The following FYB1 variants were observed in gnomAD, a reference collection of about 807,000 sequenced individuals.
The protein encoded by FYB1 is FYN-binding protein 1.
Under a neutral mutation model 94.1 loss-of-function variants are expected in FYB1, and 41 were observed. The ratio of observed to expected loss-of-function variants is 0.44; its 90% confidence interval spans 0.34 to 0.57. FYB1 has a LOEUF of 0.57. FYB1 is among the 20% of genes least tolerant of loss of function. The probability of loss-of-function intolerance (pLI) is 0.02; values close to 1 mark genes in which losing one functional copy is unlikely to be tolerated. For synonymous variants in FYB1, 367 were observed against 353.2 expected (o/e 1.04, Z -0.44); for missense variants, 1,050 against 976.8 (o/e 1.07, Z -1.00).
intron 16 of FYB1, chr5:39,110,927 C>A (rs1307185278): frequency 4.4e-5 from 8 of 182,272 alleles, no homozygotes; most frequent in Non-Finnish European, 2.4e-5. Flanking sequence ...GTCTCTTTTA[C>A]TCTGTATGGA....
intron 6 of FYB1, 83 bp downstream of exon 6, chr5:39,138,571 GTGT>G: frequency 4.2e-6 from 3 of 714,304 alleles, no homozygotes; most frequent in South Asian, 3.9e-5. Context: ...TTCCCTCCTA[GTGT>G]TGTTATATAC....
In FYB1 at chr5:39,202,381, G is replaced by A; in HGVS notation, c.580C>T (p.Pro194Ser). 3 of 1,613,956 alleles carry A rather than the reference G, an allele frequency of 1.9e-6. No individual in the cohort carries two copies. The highest frequency in any genetic ancestry group is 2.5e-6 in the Non-Finnish European group (3 of 1,179,890). The part of the protein sequence containing the change: ...SQDLEPKPLF[P>S]KPAFGQKPPL... The stretch of plus-strand genomic sequence containing the variant: ...GGCTTCTGGCCAAAGGCGGGTTTGG[G>A]GAAGAGGGGCTTGGGTTCAAGATCT... The change falls in exon 2 of 19, where the codon CCC (proline) becomes TCC (serine). Residue 194 changes from proline to serine, a missense_variant. Pro to Ser is a moderately conservative substitution (Grantham distance 74). Transcript: ENST00000512982.
At chr5:39,251,624 C>T (rs1751712428) in intron 1 of FYB1, among the ~76,000 whole-genome samples, 1 of 152,068 alleles carries the variant, frequency 6.6e-6, no homozygotes, top group Admixed American at 6.6e-5. Flanking sequence ...GAAAGCTAGA[C>T]CCTGTATACT....
chr5:39,201,564 C>A (rs187424877), intron 2 of FYB1, among the ~76,000 whole-genome samples: 3 of 152,126 alleles, frequency 2.0e-5, no homozygotes, highest in Admixed American at 1.3e-4. Context: ...AGCAAAACCA[C>A]GTATCAATGA....
At chr5:39,270,466 A>G in intron 1 of FYB1, 1 of 1,102,144 alleles carries the variant, frequency 9.1e-7, no homozygotes, top group Non-Finnish European at 1.3e-6. Context: ...CCAAAGGCTC[A>G]GAGGACCTGA....
intron 1 of FYB1, among the ~76,000 whole-genome samples, chr5:39,207,666 C>G (rs1748979303): frequency 6.6e-6 from 1 of 150,864 alleles, no homozygotes; most frequent in African/African-American, 2.4e-5. Flanking sequence ...TATATTATCT[C>G]TATTATTAGG....
At chr5:39,123,015 C>T (rs1245119202) in intron 13 of FYB1, among the ~76,000 whole-genome samples, 1 of 152,120 alleles carries the variant, frequency 6.6e-6, no homozygotes, top group African/African-American at 2.4e-5. Flanking sequence ...ATGATCTTAA[C>T]TGGTTCAATG....
intron 3 of FYB1, among the ~76,000 whole-genome samples, chr5:39,144,944 T>C (rs898936300): frequency 3.3e-5 from 5 of 152,224 alleles, no homozygotes; most frequent in African/African-American, 1.2e-4. Context: ...CTTGGTATTT[T>C]ATATTAATGC....
intron 1 of FYB1, among the ~76,000 whole-genome samples, chr5:39,257,330 T>C (rs1052586565): frequency 1.3e-5 from 2 of 151,888 alleles, no homozygotes; most frequent in Admixed American, 1.3e-4. Flanking sequence ...GGTCCTAATA[T>C]GAAAAAAAGA....
chr5:39,220,238 G>A (rs189606445), upstream of FYB1, among the ~76,000 whole-genome samples: 2 of 151,538 alleles, frequency 1.3e-5, no homozygotes, highest in African/African-American at 4.9e-5. Context: ...GTGAGACCCT[G>A]TCTCTACAAA....
chr5:39,144,675 G>A (rs550931612), intron 3 of FYB1, among the ~76,000 whole-genome samples: 213 of 152,184 alleles, frequency 1.4e-3, no homozygotes, highest in African/African-American at 5.0e-3. Context: ...GGTGGCGGGC[G>A]TCTGTAATCC....
intron 2 of FYB1, among the ~76,000 whole-genome samples, chr5:39,188,730 A>G (rs973332304): frequency 2.0e-5 from 3 of 151,734 alleles, no homozygotes; most frequent in African/African-American, 7.3e-5. Context: ...ATGGGGTTTC[A>G]CCATGTTGGC....
chr5:39,210,112 C>A (rs58034222), intron 1 of FYB1, among the ~76,000 whole-genome samples: 132 of 152,276 alleles, frequency 8.7e-4, no homozygotes, highest in African/African-American at 3.1e-3. Flanking sequence ...GACCTGGTGG[C>A]GGAAGCAGCG....
At chr5:39,141,986 A>G (rs989503134) in intron 3 of FYB1, among the ~76,000 whole-genome samples, 31 of 152,054 alleles carry the variant, frequency 2.0e-4, no homozygotes, top group African/African-American at 7.0e-4. Flanking sequence ...CTTCATTCCA[A>G]TGGCTTCACT....
intron 2 of FYB1, among the ~76,000 whole-genome samples, chr5:39,171,595 C>T (rs1745254441): frequency 6.6e-6 from 1 of 152,192 alleles, no homozygotes; most frequent in South Asian, 2.1e-4. Context: ...AAAGAGGCAA[C>T]AGGCAGGCTG....
intron 1 of FYB1, among the ~76,000 whole-genome samples, chr5:39,241,408 TA>T (rs758335269): frequency 1.4e-4 from 22 of 152,138 alleles, no homozygotes; most frequent in Non-Finnish European, 2.6e-4. Context: ...GAGGGGGACA[TA>T]AGCTTCAGTT....
chr5:39,150,605 G>A (rs1743162588), intron 3 of FYB1, among the ~76,000 whole-genome samples: 1 of 152,092 alleles, frequency 6.6e-6, no homozygotes, highest in African/African-American at 2.4e-5. Flanking sequence ...TCCTCATGGT[G>A]GTGCTTGGGC....
intron 1 of FYB1, among the ~76,000 whole-genome samples, chr5:39,213,312 G>A (rs551463969): frequency 6.6e-6 from 1 of 152,220 alleles, no homozygotes; most frequent in Non-Finnish European, 1.5e-5. Context: ...ATAGGAACCA[G>A]AGTTTTCATT....
chr5:39,202,718 C>G lies in FYB1; in HGVS notation c.243G>C (p.Pro81=). ...GGCCTGCTCCAGTGGGCTTTAGAAA[C>G]GGGGGCTTGGGTTCCTTGTCAGGCT... ...EEKPDKEPKP[P]FLKPTGAGQR... Residue 81 remains proline (P), a synonymous_variant, in exon 2 of 19, where the codon CCG becomes CCC. Transcript: ENST00000512982. 1 of 1,613,640 alleles carries G rather than the reference C, an allele frequency of 6.2e-7. No individual in the cohort carries two copies.
Sources: gnomAD v4.1 joint callset for allele counts (sites outside exome capture counted in the v4.1 genomes callset) on GRCh38, gnomAD v4.1.1 for gene constraint, MANE v1.5 for transcripts, NCBI Gene and HGNC (gene_info 2026-07-23, HGNC 2026-07-21) for gene names.